Variants in SLC14A2 observed in about 807,000 individuals in gnomAD.
The protein encoded by SLC14A2 is solute carrier family 14 member 2.
In SLC14A2, 91 loss-of-function variants were observed where a neutral mutation model predicts 104.6. The ratio of observed to expected loss-of-function variants is 0.87; its 90% CI spans 0.73 to 1.04. The LOEUF (loss-of-function observed/expected upper bound fraction) is 1.04. Among genes scored for constraint, SLC14A2 ranks in the 50% least tolerant of loss-of-function variants. The pLI, the probability that SLC14A2 is intolerant of heterozygous loss-of-function variation, is 0.00. For synonymous variants in SLC14A2, 476 were observed against 466.4 expected, an observed-to-expected ratio of 1.02 and a Z score of -0.27; for missense variants, 1,189 against 1,156.0, an observed-to-expected ratio of 1.03 and a Z score of -0.41.
chr18:45,363,459 T>C (rs903234782), intron 1 of SLC14A2, among the ~76,000 whole-genome samples: 4 of 152,094 alleles, frequency 2.6e-5, no homozygotes, highest in Admixed American at 2.0e-4. Context: ...CCCGAGAAAC[T>C]TGGAGACAAT....
intron 1 of SLC14A2, among the ~76,000 whole-genome samples, chr18:45,315,361 T>C (rs902603714): frequency 2.0e-5 from 3 of 152,166 alleles, no homozygotes; most frequent in African/African-American, 7.2e-5. Context: ...ATGGGGAAGA[T>C]GATTGTTTAG....
chr18:45,651,257 C>T (rs1429316158), intron 10 of SLC14A2, among the ~76,000 whole-genome samples: 1 of 152,088 alleles, frequency 6.6e-6, no homozygotes, highest in East Asian at 1.9e-4. Flanking sequence ...AAATGGGTGG[C>T]ACATTTCGAG....
At chr18:45,606,297 A>G (rs1872357) in intron 2 of SLC14A2, among the ~76,000 whole-genome samples, 110,359 of 152,016 alleles carry the variant, frequency 0.73, 40,270 homozygotes, top group East Asian at 0.85. Flanking sequence ...GCATCCATCA[A>G]TGAGAGTTCA....
In SLC14A2 at chr18:45,224,728, G is replaced by A. The variant is rs184739377; in HGVS notation, c.-125+11537G>A. ...TTTTGGATAAGGAAAACAAAGTTGTGGAAATTAGTTAGCTTGTCCAAGTTC... is the reference window on the plus strand; with the variant it reads ...TTTTGGATAAGGAAAACAAAGTTGTAGAAATTAGTTAGCTTGTCCAAGTTC... On this transcript the variant is annotated intron_variant, in intron 1 of 20. Transcript: ENST00000586448. Among the ~76,000 whole-genome samples, 254 of 152,262 alleles carry A rather than the reference G, an allele frequency of 1.7e-3. 1 individual carries two copies. The highest frequency in any genetic ancestry group is 5.8e-3 in the African/African-American group (241 of 41,532).
At chr18:45,483,287 T>C (rs1447481376) in exon 2 of SLC14A2, 1 of 152,198 alleles carries the variant, frequency 6.6e-6, no homozygotes. Context: ...ATAAGACCTT[T>C]ATAGAACCAC....
intron 1 of SLC14A2, among the ~76,000 whole-genome samples, chr18:45,407,375 T>C (rs1307543546): frequency 6.6e-6 from 1 of 152,218 alleles, no homozygotes; most frequent in African/African-American, 2.4e-5. Flanking sequence ...GTGTTAGAGC[T>C]TTTCTCTGGA....
Position 45,577,396 on chromosome 18 carries a change from G to A in SLC14A2, c.-34-47235G>A, listed in dbSNP as rs971453732. Among the ~76,000 whole-genome samples, 3 of 152,114 alleles carry A rather than the reference G, an allele frequency of 2.0e-5. No homozygotes were observed. In the South Asian group the frequency reaches 6.2e-4, roughly 32 times the overall value. On this transcript the variant is annotated intron_variant, in intron 2 of 20. Transcript: ENST00000586448. ...CTGCTACTTTCTATTTGTAAGAGGA[G>A]AGTCACTAAGGCCAGCCCATAATCA...
chr18:45,525,002 T>C (rs527976262), intron 2 of SLC14A2, among the ~76,000 whole-genome samples: 16 of 152,308 alleles, frequency 1.1e-4, no homozygotes, highest in South Asian at 6.2e-4. Context: ...AGGGATAATA[T>C]AGAAAGCTTA....
rs150450415 is a variant in SLC14A2, at chr18:45,632,297, G to A, written c.522-53G>A. ...TATCCTCAGAGCACCAGGAGGGAGG[G>A]GCCCAGTAACACCACCAACTTCAAA... is the stretch of plus-strand genomic sequence containing the variant. On this transcript the variant is annotated intron_variant, in intron 4 of 19. Coordinates refer to ENST00000255226, the MANE Select transcript of SLC14A2 (RefSeq NM_007163.4). 1.2e-3 allele frequency: 1,890 copies of A among 1,587,374 alleles called. 8 individuals are homozygous for A. In the East Asian group the frequency reaches 0.014, roughly 12 times the overall value.
the SLC14A2 span, among the ~76,000 whole-genome samples, chr18:45,181,656 TAAAA>T: frequency 1.8e-4 from 28 of 152,202 alleles, no homozygotes; most frequent in African/African-American, 6.5e-4. Context: ...AAACTAAAAT[TAAAA>T]GAAATTGCAC....
intron 1 of SLC14A2, among the ~76,000 whole-genome samples, chr18:45,283,440 G>A (rs12963742): frequency 0.015 from 2,145 of 140,244 alleles, 62 homozygotes; most frequent in Non-Finnish European, 0.022. Context: ...GGGCACATGA[G>A]AGAAATTTCT....
intron 1 of SLC14A2, among the ~76,000 whole-genome samples, chr18:45,364,082 G>GC (rs571623156): frequency 7.9e-5 from 12 of 152,212 alleles, no homozygotes; most frequent in African/African-American, 2.9e-4. Context: ...TCTCACCTGA[G>GC]CCCCCTCCCA....
chr18:45,673,956 T>C (rs1229841144), intron 18 of SLC14A2, 139 bp downstream of exon 18: 2 of 903,202 alleles, frequency 2.2e-6, no homozygotes, highest in Non-Finnish European at 3.3e-6. Flanking sequence ...TTCAGTCACA[T>C]GAAGACGGTG....
intron 1 of SLC14A2, among the ~76,000 whole-genome samples, chr18:45,269,340 G>A (rs763136572): frequency 2.6e-5 from 4 of 152,070 alleles, no homozygotes; most frequent in African/African-American, 7.2e-5. Context: ...GCTGTCATTT[G>A]TACATTACTG....
chr18:45,386,936 A>C (rs1231919610), intron 1 of SLC14A2, among the ~76,000 whole-genome samples: 3 of 152,212 alleles, frequency 2.0e-5, no homozygotes, highest in Non-Finnish European at 4.4e-5. Flanking sequence ...TTATTATTAG[A>C]ATAATTGTGA....
upstream of SLC14A2, chr18:45,212,877 T>A (rs1362190081): frequency 6.6e-6 from 1 of 152,282 alleles, no homozygotes; most frequent in Non-Finnish European, 1.5e-5. Flanking sequence ...TGTGCCATGG[T>A]TAACAGTACC....
chr18:45,362,912 A>T (rs1360627359), intron 1 of SLC14A2, among the ~76,000 whole-genome samples: 1 of 121,018 alleles, frequency 8.3e-6, no homozygotes, highest in East Asian at 2.0e-4. Context: ...CTGCTCCCCC[A>T]TGCTAGGGAC....
chr18:45,520,010 G>C lies in SLC14A2; in HGVS notation c.-35+36688G>C, dbSNP rs1189103560. Among the ~76,000 whole-genome samples the C allele has an allele frequency of 2.6e-5, 4 of 152,210 alleles. No homozygotes were observed. In the East Asian group the frequency reaches 5.8e-4, roughly 22 times the overall value. On this transcript the variant is annotated intron_variant, in intron 2 of 20. Transcript: ENST00000586448. ...CAGCTACTGCCACTTTCACACACCAGAAATCACAGCTGTGGTGTGCTTAGA... is the reference window on the plus strand; with the variant it reads ...CAGCTACTGCCACTTTCACACACCACAAATCACAGCTGTGGTGTGCTTAGA...
chr18:45,292,112 C>T (rs2084876023), intron 1 of SLC14A2, among the ~76,000 whole-genome samples: 1 of 152,134 alleles, frequency 6.6e-6, no homozygotes, highest in Admixed American at 6.5e-5. Flanking sequence ...TGCAGCCCGA[C>T]CTTAATCTGG....
Sources: gnomAD v4.1 joint callset for allele counts (sites outside exome capture counted in the v4.1 genomes callset) on GRCh38, gnomAD v4.1.1 for gene constraint, MANE v1.5 for transcripts, NCBI Gene and HGNC (gene_info 2026-07-23, HGNC 2026-07-21) for gene names.